Variants in RORA observed in about 807,000 individuals in gnomAD.
RORA encodes the protein RAR related orphan receptor A.
A neutral mutation model predicts 69.5 loss-of-function variants in RORA; 7 were observed. That is an observed-to-expected ratio of 0.10 (90% CI 0.06 to 0.19). The LOEUF (loss-of-function observed/expected upper bound fraction) is 0.19, where lower values mean the gene tolerates loss of function less well. Among genes scored for constraint, RORA ranks in the 10% least tolerant of loss-of-function variants. RORA has a pLI of 1.00. For synonymous variants in RORA, 261 were observed against 240.8 expected (o/e 1.08, Z -0.78); for missense variants, 457 against 663.0 (o/e 0.69, Z 3.41).
chr15:60,538,697 T>C (rs2066757593), intron 2 of RORA, among the ~76,000 whole-genome samples: 1 of 152,204 alleles, frequency 6.6e-6, no homozygotes, highest in Admixed American at 6.5e-5. Context: ...TGCAAAGTCC[T>C]TGACCTAGCT....
chr15:61,132,319 A>T (rs1414950068), intron 1 of RORA, among the ~76,000 whole-genome samples: 2 of 152,178 alleles, frequency 1.3e-5, no homozygotes, highest in Non-Finnish European at 2.9e-5. Flanking sequence ...ATGATTGATA[A>T]ACCATGACCT....
At chr15:61,190,605 A>G (rs560060558) in intron 1 of RORA, among the ~76,000 whole-genome samples, 2 of 152,242 alleles carry the variant, frequency 1.3e-5, no homozygotes, top group East Asian at 3.9e-4. Context: ...TACAAAAAAT[A>G]CAATGGGAGT....
Position 60,497,400 on chromosome 15 carries a change from G to A in RORA, c.*55C>T. The A allele has an allele frequency of 1.3e-6, 2 of 1,534,336 alleles. No individual in the cohort carries two copies. The highest frequency in any genetic ancestry group is 1.8e-6 in the Non-Finnish European group (2 of 1,113,674). On this transcript the variant is annotated 3_prime_UTR_variant, in exon 11 of 11. Coordinates refer to ENST00000335670, the MANE Select transcript of RORA (RefSeq NM_134261.3). ...ATAAAGTGTCTCGGTTAATTTTTTT[G>A]TTTGTTTTTCATGTTTGTACTTCAG...
At chr15:60,682,753 G>C (rs1295609109) in intron 1 of RORA, among the ~76,000 whole-genome samples, 45 of 152,200 alleles carry the variant, frequency 3.0e-4, no homozygotes, top group Admixed American at 2.9e-3. Context: ...CTGTTGTGCA[G>C]GTTTTGATTC....
At chr15:60,686,431 A>G (rs1328545426) in intron 1 of RORA, among the ~76,000 whole-genome samples, 1 of 152,216 alleles carries the variant, frequency 6.6e-6, no homozygotes, top group African/African-American at 2.4e-5. Flanking sequence ...AATCATAAGA[A>G]GCCTTATTTT....
chr15:60,825,452 G>C (rs1393204425), intron 1 of RORA, among the ~76,000 whole-genome samples: 3 of 152,204 alleles, frequency 2.0e-5, no homozygotes, highest in Non-Finnish European at 2.9e-5. Flanking sequence ...AGCTATCTTA[G>C]AGTCTCATTC....
In RORA at chr15:60,511,483, ATGT is replaced by A. The variant is rs767448452; in HGVS notation, c.560_562del (p.Asn187del). 2 of 1,614,012 alleles carry A rather than the reference ATGT, an allele frequency of 1.2e-6. No homozygotes were observed. The highest frequency in any genetic ancestry group is 2.2e-5 in the East Asian group (1 of 44,872). On this transcript the variant is annotated inframe_deletion, in exon 5 of 11. Transcript: ENST00000335670. This position sits in a 1 kb window ranked among gnomAD's most constrained non-coding sequence, Gnocchi z 6.4. The stretch of plus-strand genomic sequence containing the variant: ...AAGTTCCGTCAGCCCGTTGGCCGAG[ATGT>A]TGTAGGTGGGCGTCAGCGGCTCAGC...
chr15:61,158,628 C>T (rs931013012), intron 1 of RORA, among the ~76,000 whole-genome samples: 1 of 152,176 alleles, frequency 6.6e-6, no homozygotes, highest in Admixed American at 6.5e-5. Context: ...TGCTCATCCG[C>T]TCCCCCGAGG....
At chr15:60,901,694 C>G (rs563268044) in intron 1 of RORA, among the ~76,000 whole-genome samples, 207 of 152,304 alleles carry the variant, frequency 1.4e-3, no homozygotes, top group Middle Eastern at 6.8e-3. Context: ...GATGCATGAG[C>G]CTGTTGGGCA....
At chr15:60,658,205 T>C (rs1263854549) in intron 2 of RORA, among the ~76,000 whole-genome samples, 6 of 152,032 alleles carry the variant, frequency 3.9e-5, no homozygotes, top group African/African-American at 2.4e-5. Context: ...CTCAGCCTCC[T>C]GAGTAGGTGG....
intron 2 of RORA, chr15:60,556,994 G>A: frequency 7.6e-7 from 1 of 1,319,760 alleles, no homozygotes; most frequent in Non-Finnish European, 1.1e-6. Flanking sequence ...ATGTATTTAT[G>A]CATAGCACAT....
At chr15:60,915,501 C>A (rs1039682526) in intron 1 of RORA, among the ~76,000 whole-genome samples, 1 of 152,198 alleles carries the variant, frequency 6.6e-6, no homozygotes, top group Non-Finnish European at 1.5e-5. Flanking sequence ...GATTGTTTCT[C>A]GGCATTGTCA....
chr15:60,731,878 C>T (rs1268893822), intron 1 of RORA, among the ~76,000 whole-genome samples: 1 of 152,150 alleles, frequency 6.6e-6, no homozygotes, highest in Non-Finnish European at 1.5e-5. Context: ...TTGCTGTCAG[C>T]GTTCTTTTTC....
chr15:61,066,075 T>C (rs1156948073), intron 1 of RORA, among the ~76,000 whole-genome samples: 1 of 152,184 alleles, frequency 6.6e-6, no homozygotes, highest in Non-Finnish European at 1.5e-5. Flanking sequence ...TACTAATGCG[T>C]CTAGTGGTTT....
chr15:60,501,097 A>G (rs2065317346), intron 8 of RORA, 28 bp from the exon 9 acceptor site: 1 of 1,382,446 alleles, frequency 7.2e-7, no homozygotes, highest in African/African-American at 1.4e-5. Flanking sequence ...AAGACAGTTT[A>G]GAATTTTGAT....
At chr15:60,516,037 AT>A (rs2065892995) in intron 3 of RORA, among the ~76,000 whole-genome samples, 3 of 11,868 alleles carry the variant, frequency 2.5e-4, no homozygotes, top group African/African-American at 8.2e-4. Context: ...ATTTATATAT[AT>A]TTATATATTT....
chr15:60,553,983 C>T (rs938558708), intron 2 of RORA, among the ~76,000 whole-genome samples: 1 of 152,194 alleles, frequency 6.6e-6, no homozygotes, highest in South Asian at 2.1e-4. Flanking sequence ...CCCTCACATA[C>T]ATATAAAATA....
intron 2 of RORA, among the ~76,000 whole-genome samples, chr15:60,649,332 G>C (rs555699364): frequency 5.3e-5 from 8 of 152,058 alleles, no homozygotes; most frequent in Admixed American, 3.9e-4. Context: ...AGAAGATCTG[G>C]CCATTACTGT....
intron 1 of RORA, among the ~76,000 whole-genome samples, chr15:61,098,183 TC>T (rs1380670712): frequency 9.1e-6 from 1 of 110,362 alleles, no homozygotes; most frequent in Non-Finnish European, 1.8e-5. Context: ...CTTCCCTGCC[TC>T]CCTCCCTGTC....
Sources: allele counts gnomAD v4.1 joint callset (sites outside exome capture counted in the v4.1 genomes callset), GRCh38; gene constraint gnomAD v4.1.1; non-coding constraint Gnocchi (gnomAD v3.1); transcripts MANE v1.5; gene names NCBI Gene and HGNC (gene_info 2026-07-23, HGNC 2026-07-21).